Variants in LDLRAD3 observed in about 807,000 individuals in gnomAD.
The protein encoded by LDLRAD3 is low-density lipoprotein receptor class A domain-containing protein 3.
In LDLRAD3, 20 loss-of-function variants were observed where a neutral mutation model predicts 29.4. The ratio of observed to expected loss-of-function variants is 0.68; its 90% CI spans 0.48 to 0.99. The LOEUF (loss-of-function observed/expected upper bound fraction) is 0.99. Among genes scored for constraint, LDLRAD3 ranks in the 50% least tolerant of loss-of-function variants. LDLRAD3 has a pLI of 0.00. For missense variants in LDLRAD3, 420 were observed against 454.3 expected (o/e 0.92, Z 0.69); for synonymous variants, 157 against 192.7 (o/e 0.81, Z 1.53).
At chr11:36,223,908 C>G (rs1855463162) in intron 4 of LDLRAD3, among the ~76,000 whole-genome samples, 2 of 151,066 alleles carry the variant, frequency 1.3e-5, no homozygotes, top group Non-Finnish European at 1.5e-5. Context: ...ATCTAGTGTT[C>G]ATTAGTGAGG....
chr11:36,111,273 G>A (rs1419440564), intron 4 of LDLRAD3, among the ~76,000 whole-genome samples: 1 of 152,132 alleles, frequency 6.6e-6, no homozygotes. Flanking sequence ...CTGGGGAATC[G>A]GGGAATCGTA....
In LDLRAD3 at chr11:36,055,755, C is replaced by T. The variant is rs575069425; in HGVS notation, c.193+19506C>T. Among the ~76,000 whole-genome samples the T allele has an allele frequency of 7.9e-5, 12 of 152,288 alleles. No individual in the cohort carries two copies. The South Asian group carries it at 2.5e-3, about 32-fold the overall frequency. On this transcript the variant is annotated intron_variant, in intron 2 of 5. Coordinates refer to ENST00000315571, the MANE Select transcript of LDLRAD3 (RefSeq NM_174902.4). ...GGTGAGCACTCTCGCTTTTCTCAGC[C>T]GTAGTTTTCTCATCTATAAAGTGGT...
intron 4 of LDLRAD3, among the ~76,000 whole-genome samples, chr11:36,201,463 G>T (rs922905819): frequency 2.8e-4 from 43 of 152,126 alleles, no homozygotes; most frequent in African/African-American, 8.9e-4. Flanking sequence ...TTTTTGTGGG[G>T]TTTTTTGTAT....
rs1395022230 is a variant in LDLRAD3, at chr11:36,122,660, T to A, written c.454+24199T>A. 3.9e-5 allele frequency among the ~76,000 whole-genome samples: 6 copies of A among 152,230 alleles called. No individual in the cohort carries two copies. In the East Asian group the frequency reaches 1.2e-3, roughly 29 times the overall value. ...ATCCCCAGCCCCTAGGAGCCTGTAG[T>A]CTAGTGAAGGAGATAAACTTGTGAA... On this transcript the variant is annotated intron_variant, in intron 4 of 5. Transcript: ENST00000315571.
intron 4 of LDLRAD3, among the ~76,000 whole-genome samples, chr11:36,140,992 T>TCTCTCTCTCTC (rs1854073899): frequency 5.5e-5 from 6 of 109,994 alleles, no homozygotes; most frequent in Non-Finnish European, 9.4e-5. Flanking sequence ...CTGTTGAGCT[T>TCTCTCTCTCTC]TCTCTCTCTC....
chr11:36,223,239 G>C (rs191013497), intron 4 of LDLRAD3, among the ~76,000 whole-genome samples: 16 of 152,288 alleles, frequency 1.1e-4, no homozygotes, highest in African/African-American at 3.8e-4. Flanking sequence ...AAAGTGAAGA[G>C]AGGTCTGAAG....
intron 4 of LDLRAD3, among the ~76,000 whole-genome samples, chr11:36,185,444 G>T (rs142683160): frequency 3.3e-5 from 5 of 152,316 alleles, no homozygotes; most frequent in African/African-American, 1.2e-4. Context: ...ACTTGGGCTA[G>T]TCTTCCCTGT....
At chr11:35,974,017 T>G (rs540138501) in intron 1 of LDLRAD3, among the ~76,000 whole-genome samples, 1 of 152,348 alleles carries the variant, frequency 6.6e-6, no homozygotes, top group South Asian at 2.1e-4. Context: ...CCTTTGCTTT[T>G]TTTTCCCTAT....
At chr11:36,109,230 C>A (rs142301234) in intron 4 of LDLRAD3, among the ~76,000 whole-genome samples, 1 of 151,968 alleles carries the variant, frequency 6.6e-6, no homozygotes, top group African/African-American at 2.4e-5. Context: ...TTGTCATGGA[C>A]GGGGGAAGAA....
Position 36,080,696 on chromosome 11 carries a change from G to A in LDLRAD3, c.194-957G>A, listed in dbSNP as rs184558971. ...GACTCAGTATATGATCATACTCATG[G>A]CTGTGATTAATTACAGCAAAGGGAT... is the stretch of plus-strand genomic sequence containing the variant. On this transcript the variant is annotated intron_variant, in intron 2 of 5. Transcript: ENST00000315571. Among the ~76,000 whole-genome samples the A allele has an allele frequency of 2.0e-4, 31 of 152,270 alleles. No homozygotes were observed. The East Asian group carries it at 5.4e-3, about 27-fold the overall frequency.
intron 4 of LDLRAD3, among the ~76,000 whole-genome samples, chr11:36,164,959 C>A (rs1035174953): frequency 1.3e-5 from 2 of 152,134 alleles, no homozygotes; most frequent in African/African-American, 4.8e-5. Context: ...ATCTTATGTT[C>A]CCATTATAAA....
chr11:36,057,176 T>C (rs1237243250), intron 2 of LDLRAD3, among the ~76,000 whole-genome samples: 3 of 152,182 alleles, frequency 2.0e-5, no homozygotes, highest in African/African-American at 7.2e-5. Context: ...AAACTGCCAG[T>C]GTCCCAGGAA....
chr11:36,041,740 A>G lies in LDLRAD3; in HGVS notation c.193+5491A>G, dbSNP rs145734392. On this transcript the variant is annotated intron_variant, in intron 2 of 5. Coordinates refer to ENST00000315571, the MANE Select transcript of LDLRAD3 (RefSeq NM_174902.4). Reference sequence around the variant, plus strand: ...CTGCTGTCTCTCCGTGTTCTAACCAAGTGGTTGAGGGGATCTTGAATGTTT... The same window carrying G: ...CTGCTGTCTCTCCGTGTTCTAACCAGGTGGTTGAGGGGATCTTGAATGTTT... 5.7e-3 allele frequency among the ~76,000 whole-genome samples: 874 copies of G among 152,140 alleles called. 4 individuals are homozygous for G. Among genetic ancestry groups the G allele is most frequent in the Non-Finnish European group, 9.5e-3 (649 of 67,994 alleles).
At chr11:36,160,166 A>T (rs980317648) in intron 4 of LDLRAD3, among the ~76,000 whole-genome samples, 2 of 152,204 alleles carry the variant, frequency 1.3e-5, no homozygotes, top group Admixed American at 1.3e-4. Flanking sequence ...CTGTGTGGTG[A>T]ATGAACGTCC....
intron 4 of LDLRAD3, among the ~76,000 whole-genome samples, chr11:36,139,725 G>A (rs957662504): frequency 7.9e-5 from 12 of 152,192 alleles, no homozygotes; most frequent in Admixed American, 5.9e-4. Context: ...GGCAGTTGGT[G>A]TCTCTGTCTG....
intron 2 of LDLRAD3, among the ~76,000 whole-genome samples, chr11:36,073,606 G>C (rs1223602410): frequency 6.6e-6 from 1 of 152,248 alleles, no homozygotes; most frequent in Non-Finnish European, 1.5e-5. Flanking sequence ...GCCCCTGCCA[G>C]GCACTCGGCT....
chr11:36,191,535 CCTGTCTCT>C (rs1234060083), intron 4 of LDLRAD3, among the ~76,000 whole-genome samples: 1 of 53,786 alleles, frequency 1.9e-5, no homozygotes, highest in Admixed American at 1.8e-4. Flanking sequence ...AGAGCAAGAC[CCTGTCTCT>C]CTCTCTCTCT....
chr11:36,191,646 G>A (rs895816154), intron 4 of LDLRAD3, among the ~76,000 whole-genome samples: 1 of 140,258 alleles, frequency 7.1e-6, no homozygotes, highest in Admixed American at 7.3e-5. Flanking sequence ...GCACAAAGAA[G>A]AAATTGATAG....
At chr11:36,071,007 A>T (rs78134102) in intron 2 of LDLRAD3, among the ~76,000 whole-genome samples, 4,404 of 152,264 alleles carry the variant, frequency 0.029, 209 homozygotes, top group African/African-American at 0.1. Flanking sequence ...GCAAAGATCG[A>T]TGCCCTGTAC....
Sources: gnomAD v4.1 joint callset for allele counts (sites outside exome capture counted in the v4.1 genomes callset) on GRCh38, gnomAD v4.1.1 for gene constraint, MANE v1.5 for transcripts, NCBI Gene and HGNC (gene_info 2026-07-23, HGNC 2026-07-21) for gene names.